ATP8B1: variants seen among roughly 807,000 people sequenced by gnomAD.
ATP8B1 encodes the protein ATPase phospholipid transporting 8B1, also known as phospholipid-transporting ATPase IC.
A neutral mutation model predicts 149.9 loss-of-function variants in ATP8B1; 80 were observed. The ratio of observed to expected loss-of-function variants is 0.53; its 90% CI spans 0.45 to 0.64. The LOEUF (loss-of-function observed/expected upper bound fraction) is 0.64. ATP8B1 is among the 30% of genes least tolerant of loss of function. The pLI, the probability that ATP8B1 is intolerant of heterozygous loss-of-function variation, is 0.00. For synonymous variants in ATP8B1, 536 were observed against 562.8 expected (o/e 0.95, Z 0.67); for missense variants, 1,247 against 1,552.6 (o/e 0.80, Z 3.31).
chr18:57,688,269 C>T, intron 13 of ATP8B1, 30 bp downstream of exon 13: 3 of 1,605,530 alleles, frequency 1.9e-6, no homozygotes, highest in Non-Finnish European at 2.6e-6. Context: ...GCCCCACTCA[C>T]CCAGAAAATG....
chr18:57,762,533 A>G (rs777158177), intron 1 of ATP8B1, among the ~76,000 whole-genome samples: 1 of 152,224 alleles, frequency 6.6e-6, no homozygotes, highest in African/African-American at 2.4e-5. Context: ...TGGCAAATGT[A>G]TAGTGACACA....
chr18:57,787,145 G>A (rs10503019), intron 1 of ATP8B1, among the ~76,000 whole-genome samples: 26,343 of 152,076 alleles, frequency 0.17, 2,683 homozygotes, highest in South Asian at 0.24. Flanking sequence ...CCTCTGGACC[G>A]GAAATCATTG....
chr18:57,740,418 C>T (rs761700746), intron 1 of ATP8B1: 7 of 151,962 alleles, frequency 4.6e-5, no homozygotes, highest in Non-Finnish European at 7.4e-5. Context: ...TCTATATGTT[C>T]TATGCTATAC....
intron 1 of ATP8B1, among the ~76,000 whole-genome samples, chr18:57,754,787 G>A (rs2080061997): frequency 6.6e-6 from 1 of 152,102 alleles, no homozygotes; most frequent in South Asian, 2.1e-4. Context: ...GTAACCTACT[G>A]TCTCAGGCCA....
chr18:57,686,966 C>T (rs1434527825), intron 13 of ATP8B1, among the ~76,000 whole-genome samples: 4 of 152,160 alleles, frequency 2.6e-5, no homozygotes, highest in Non-Finnish European at 5.9e-5. Context: ...GCCTCAGTCT[C>T]CCAAGTAGCT....
At chr18:57,653,759 C>T (rs1379619830) in intron 24 of ATP8B1, among the ~76,000 whole-genome samples, 1 of 145,494 alleles carries the variant, frequency 6.9e-6, no homozygotes, top group Admixed American at 7.1e-5. Flanking sequence ...CACCTGGGCT[C>T]AAGTCATACT....
At chr18:57,658,058 T>A (rs1358187963) in intron 22 of ATP8B1, among the ~76,000 whole-genome samples, 1 of 152,178 alleles carries the variant, frequency 6.6e-6, no homozygotes, top group Non-Finnish European at 1.5e-5. Context: ...CTTGCCTTTT[T>A]TTTTTTGAGA....
intron 1 of ATP8B1, among the ~76,000 whole-genome samples, chr18:57,796,922 AT>A (rs1348487672): frequency 6.6e-6 from 1 of 152,192 alleles, no homozygotes; most frequent in African/African-American, 2.4e-5. Context: ...AAGTGCTGGG[AT>A]TACAGGTGTT....
intron 1 of ATP8B1, among the ~76,000 whole-genome samples, chr18:57,760,977 A>C (rs1280292696): frequency 6.6e-6 from 1 of 151,594 alleles, no homozygotes; most frequent in East Asian, 1.9e-4. Context: ...CAACAGAGCG[A>C]GACTCTGTCT....
intron 2 of ATP8B1, among the ~76,000 whole-genome samples, chr18:57,730,624 C>A (rs1231792246): frequency 2.0e-5 from 3 of 152,080 alleles, no homozygotes; most frequent in Non-Finnish European, 4.4e-5. Context: ...TAAAAGCAAG[C>A]CATGTTCTAC....
At position 57,772,731 on chromosome 18, in the gene ATP8B1, G is replaced by C. The variant is rs74878979; in HGVS notation, c.-26+30267C>G. On this transcript the variant is annotated intron_variant, in intron 1 of 27. Transcript: ENST00000648908. ...AAGGTAAGGCAGACCCTAGGAATTC[G>C]GCGCACAGAAGCCTCTCTGCTGTGA... Among the ~76,000 whole-genome samples, 1,201 of 152,160 alleles carry C rather than the reference G, an allele frequency of 7.9e-3. 7 individuals are homozygous for C. The highest frequency in any genetic ancestry group is 0.025 in the African/African-American group (1,055 of 41,496).
intron 2 of ATP8B1, among the ~76,000 whole-genome samples, chr18:57,708,055 G>A (rs1235114236): frequency 6.6e-6 from 1 of 150,976 alleles, no homozygotes; most frequent in Non-Finnish European, 1.5e-5. Flanking sequence ...CTACTCAGGA[G>A]GCTGAGGCAG....
intron 1 of ATP8B1, among the ~76,000 whole-genome samples, chr18:57,739,911 G>A (rs1330927734): frequency 6.6e-6 from 1 of 152,192 alleles, no homozygotes; most frequent in African/African-American, 2.4e-5. Flanking sequence ...ACCAGAGTCT[G>A]GCATATAGGA....
intron 20 of ATP8B1, among the ~76,000 whole-genome samples, chr18:57,665,436 A>AT (rs1910787326): frequency 6.6e-6 from 1 of 152,110 alleles, no homozygotes; most frequent in African/African-American, 2.4e-5. Context: ...GAGACCAGAA[A>AT]TTTTTTTACA....
intron 22 of ATP8B1, among the ~76,000 whole-genome samples, chr18:57,657,336 T>G (rs187948243): frequency 1.3e-5 from 2 of 152,156 alleles, no homozygotes; most frequent in African/African-American, 2.4e-5. Flanking sequence ...AATAACACTT[T>G]CAAATTAGAG....
At chr18:57,768,110 G>T (rs2080229856) in intron 1 of ATP8B1, among the ~76,000 whole-genome samples, 1 of 152,088 alleles carries the variant, frequency 6.6e-6, no homozygotes, top group African/African-American at 2.4e-5. Flanking sequence ...TTCTGGCTGG[G>T]AGCAGTGGCT....
chr18:57,691,871 A>T lies in ATP8B1; in HGVS notation c.1156T>A (p.Phe386Ile), dbSNP rs767126171. The T allele has an allele frequency of 6.2e-7, 1 of 1,614,194 alleles. No homozygotes were observed. The highest frequency in any genetic ancestry group is 2.2e-5 in the East Asian group (1 of 44,886). The change falls in exon 12 of 28, where the codon TTC (phenylalanine) becomes ATC (isoleucine). Residue 386 changes from phenylalanine to isoleucine, a missense_variant. Physicochemically the swap from Phe to Ile is conservative, Grantham distance 21 (BLOSUM62 0). This residue lies in a region of ATP8B1 where 853 missense variants were observed against 1,035.7 expected (regional missense o/e 0.82). Coordinates refer to ENST00000648908, the MANE Select transcript of ATP8B1 (RefSeq NM_001374385.1). ...GEDDTPSYRG[F>I]LIFWGYIIVL... ...ATGATATAGCCCCAGAAAATGAGGA[A>T]TCCACGGTAGGAGGGTGTATCGTCT...
chr18:57,757,061 G>A (rs775459272), intron 1 of ATP8B1, among the ~76,000 whole-genome samples: 1 of 152,102 alleles, frequency 6.6e-6, no homozygotes, highest in Non-Finnish European at 1.5e-5. Context: ...TCCCCTCCAC[G>A]CATATTGGTG....
intron 15 of ATP8B1, among the ~76,000 whole-genome samples, chr18:57,680,682 C>G (rs78788473): frequency 0.031 from 3,781 of 123,158 alleles, 162 homozygotes; most frequent in African/African-American, 0.11. Flanking sequence ...CTCCTCAATC[C>G]TCTCACCCCC....
Sources: allele counts gnomAD v4.1 joint callset (sites outside exome capture counted in the v4.1 genomes callset), GRCh38; gene constraint gnomAD v4.1.1; regional missense constraint gnomAD v4.1.1; transcripts MANE v1.5; gene names NCBI Gene and HGNC (gene_info 2026-07-23, HGNC 2026-07-21).